The following SLC29A3 variants were observed in gnomAD, a reference collection of about 807,000 sequenced individuals.
SLC29A3 encodes the protein solute carrier family 29 member 3, also known as equilibrative nucleoside transporter 3.
SLC29A3 carries 18 observed loss-of-function variants against 25.4 expected under a neutral mutation model. The observed-to-expected ratio is 0.71, with a 90% CI of 0.49 to 1.05. The LOEUF (loss-of-function observed/expected upper bound fraction) is 1.05. Ranked by LOEUF, SLC29A3 falls within the 50% of genes least tolerant of loss-of-function variation. The pLI, the probability that SLC29A3 is intolerant of heterozygous loss-of-function variation, is 0.00. For synonymous variants in SLC29A3, 258 were observed against 267.1 expected (o/e 0.97, Z 0.33); for missense variants, 586 against 609.0 (o/e 0.96, Z 0.40).
chr10:71,378,780 C>T (rs1426769701), intron 4 of SLC29A3, among the ~76,000 whole-genome samples: 3 of 152,206 alleles, frequency 2.0e-5, no homozygotes, highest in Non-Finnish European at 4.4e-5. Context: ...CTTGAGCTCC[C>T]GTTGTCTACA....
At chr10:71,331,522 G>A (rs540539233) in intron 2 of SLC29A3, among the ~76,000 whole-genome samples, 24 of 152,348 alleles carry the variant, frequency 1.6e-4, no homozygotes, top group Admixed American at 2.6e-4. Context: ...ATAGCTCAGC[G>A]AGGTCCATGA....
At chr10:71,360,838 C>T (rs1159619156) in intron 5 of SLC29A3, among the ~76,000 whole-genome samples, 1 of 152,154 alleles carries the variant, frequency 6.6e-6, no homozygotes, top group East Asian at 1.9e-4. Context: ...GGTGAACCAT[C>T]ATAGAGTAAC....
chr10:71,344,031 C>T (rs188570429), intron 2 of SLC29A3, among the ~76,000 whole-genome samples, 178 bp from the exon 3 acceptor site: 13 of 152,202 alleles, frequency 8.5e-5, no homozygotes, highest in African/African-American at 2.2e-4. Flanking sequence ...GCTGAGTGAG[C>T]GGTCTTAGGC....
chr10:71,352,299 A>T (rs1303725525), intron 4 of SLC29A3, among the ~76,000 whole-genome samples: 1 of 152,180 alleles, frequency 6.6e-6, no homozygotes, highest in Non-Finnish European at 1.5e-5. Context: ...CCATAAGCTC[A>T]CCCAGACTCA....
At chr10:71,323,077 A>G (rs748927514) in intron 2 of SLC29A3, 23 bp downstream of exon 2, 5 of 1,611,924 alleles carry the variant, frequency 3.1e-6, no homozygotes, top group Non-Finnish European at 4.2e-6. Context: ...TTCTCCTGCA[A>G]GGCTGGTGGG....
intron 4 of SLC29A3, 51 bp downstream of exon 4, chr10:71,351,839 T>C (rs1206389710): frequency 1.3e-6 from 2 of 1,517,184 alleles, no homozygotes; most frequent in Non-Finnish European, 1.8e-6. Flanking sequence ...CCAGGAGTCA[T>C]GGGAGGGAGC....
intron 4 of SLC29A3, chr10:71,352,484 C>T (rs780669): frequency 0.77 from 117,629 of 152,326 alleles, 47,002 homozygotes; most frequent in Non-Finnish European, 0.89. Context: ...CTATTCCTCT[C>T]CTATTTTTCC....
rs564184353 is a variant in SLC29A3 at position 71,321,030 on chromosome 10, C to G, written c.1+1720C>G. Among the ~76,000 whole-genome samples the G allele has an allele frequency of 1.6e-3, 248 of 152,268 alleles. 1 individual carries two copies. The highest frequency in any genetic ancestry group is 5.6e-3 in the African/African-American group (232 of 41,544). ...CTCAACCTTTCTGAGCCTCAGACCC[C>G]TCTGTGAAATGGGTCTTAGAGTAGT... On this transcript the variant is annotated intron_variant, in intron 1 of 5. Coordinates refer to ENST00000373189, the MANE Select transcript of SLC29A3 (RefSeq NM_018344.6).
At chr10:71,370,645 C>T (rs1342499518) in intron 3 of SLC29A3, among the ~76,000 whole-genome samples, 1 of 152,134 alleles carries the variant, frequency 6.6e-6, no homozygotes, top group Non-Finnish European at 1.5e-5. Flanking sequence ...AGTGATCCTC[C>T]CACCTCAGCC....
chr10:71,370,679 C>T (rs941374164), intron 3 of SLC29A3, among the ~76,000 whole-genome samples: 1 of 151,954 alleles, frequency 6.6e-6, no homozygotes, highest in Non-Finnish European at 1.5e-5. Context: ...GGACTACAGG[C>T]ATGTGACACT....
At chr10:71,377,256 CAGGT>C (rs1847259712) in intron 4 of SLC29A3, among the ~76,000 whole-genome samples, 1 of 152,236 alleles carries the variant, frequency 6.6e-6, no homozygotes, top group Non-Finnish European at 1.5e-5. Flanking sequence ...GCTGCCGCTC[CAGGT>C]ATCCCCTGGG....
At chr10:71,354,922 C>T (rs57755071) in intron 4 of SLC29A3, among the ~76,000 whole-genome samples, 8,676 of 152,246 alleles carry the variant, frequency 0.057, 573 homozygotes, top group African/African-American at 0.16. Flanking sequence ...GATCAGCCCA[C>T]GCTGGTGCCA....
chr10:71,338,990 CAGCT>C (rs2131818610), intron 2 of SLC29A3, among the ~76,000 whole-genome samples: 1 of 152,336 alleles, frequency 6.6e-6, no homozygotes, highest in African/African-American at 2.4e-5. Flanking sequence ...CAGACAACCT[CAGCT>C]AGAGCAGCTT....
chr10:71,368,454 C>A (rs1847186496), intron 3 of SLC29A3, among the ~76,000 whole-genome samples: 2 of 152,190 alleles, frequency 1.3e-5, no homozygotes. Context: ...TGCCAGGCCC[C>A]TCGCCTGGCC....
intron 3 of SLC29A3, among the ~76,000 whole-genome samples, chr10:71,346,714 C>T (rs1349367953): frequency 3.9e-5 from 6 of 152,118 alleles, no homozygotes; most frequent in Non-Finnish European, 8.8e-5. Context: ...AGGATTTGAA[C>T]TGGGACCTTC....
intron 2 of SLC29A3, among the ~76,000 whole-genome samples, chr10:71,339,577 T>G (rs960496243): frequency 6.6e-6 from 1 of 152,106 alleles, no homozygotes; most frequent in Non-Finnish European, 1.5e-5. Flanking sequence ...CCAGCCCTCC[T>G]GTGGATGGGA....
Position 71,349,399 on chromosome 10 carries a change from A to C in SLC29A3, c.384-2163A>C, listed in dbSNP as rs186162711. ...TGGCTAGATGGCAGCCAGCAGCCCC[A>C]GACACAGTCTCGGCAGTGAGCTTCT... is the stretch of plus-strand genomic sequence containing the variant. On this transcript the variant is annotated intron_variant, in intron 3 of 5. Coordinates refer to ENST00000373189, the MANE Select transcript of SLC29A3 (RefSeq NM_018344.6). 3.0e-3 allele frequency among the ~76,000 whole-genome samples: 454 copies of C among 152,182 alleles called. 1 individual carries two copies. Among genetic ancestry groups the C allele is most frequent in the African/African-American group, 0.01 (433 of 41,508 alleles).
At chr10:71,332,512 C>G (rs1036869769) in intron 2 of SLC29A3, among the ~76,000 whole-genome samples, 8 of 152,168 alleles carry the variant, frequency 5.3e-5, no homozygotes, top group Non-Finnish European at 1.2e-4. Flanking sequence ...CCCCTCCTCC[C>G]CGCATAGAAA....
At chr10:71,374,785 C>T (rs1217381916) in intron 3 of SLC29A3, among the ~76,000 whole-genome samples, 1 of 152,200 alleles carries the variant, frequency 6.6e-6, no homozygotes, top group African/African-American at 2.4e-5. Context: ...ACGTTTTGCT[C>T]CATGTAAAAC....
Sources: allele counts gnomAD v4.1 joint callset (sites outside exome capture counted in the v4.1 genomes callset), GRCh38; gene constraint gnomAD v4.1.1; transcripts MANE v1.5; gene names NCBI Gene and HGNC (gene_info 2026-07-23, HGNC 2026-07-21).